Variants in CTNND2 observed in about 807,000 individuals in gnomAD.
CTNND2 encodes catenin delta 2.
A neutral mutation model predicts 144.4 loss-of-function variants in CTNND2; 22 were observed. The ratio of observed to expected loss-of-function variants is 0.15; its 90% CI spans 0.11 to 0.22. CTNND2 has a LOEUF of 0.22. CTNND2 is among the 10% of genes least tolerant of loss of function. The pLI is 1.00. For missense variants in CTNND2, 1,353 were observed against 1,618.8 expected, an observed-to-expected ratio of 0.84 and a Z score of 2.82; for synonymous variants, 751 against 695.6, an observed-to-expected ratio of 1.08 and a Z score of -1.25.
chr5:11,760,691 T>C (rs887757536), intron 1 of CTNND2, among the ~76,000 whole-genome samples: 3 of 152,184 alleles, frequency 2.0e-5, no homozygotes, highest in Non-Finnish European at 2.9e-5. Flanking sequence ...GCTCATTCCA[T>C]GTTATTACGA....
chr5:11,727,365 T>C (rs1290646865), intron 2 of CTNND2, among the ~76,000 whole-genome samples: 1 of 152,126 alleles, frequency 6.6e-6, no homozygotes. Flanking sequence ...TGATCCTTGC[T>C]CCCCCTTCCT....
chr5:11,296,241 A>G (rs958524826), intron 9 of CTNND2, among the ~76,000 whole-genome samples: 24 of 152,254 alleles, frequency 1.6e-4, no homozygotes, highest in African/African-American at 4.8e-4. Flanking sequence ...AATGCTCACC[A>G]TCACTGGCCA....
At chr5:10,991,487 A>AAAG (rs1468602796) in intron 19 of CTNND2, among the ~76,000 whole-genome samples, 3 of 152,236 alleles carry the variant, frequency 2.0e-5, no homozygotes, top group Non-Finnish European at 4.4e-5. Flanking sequence ...AATCAAAATA[A>AAAG]AAGTTTTAAA....
At chr5:11,196,559 C>G (rs952222152) in intron 11 of CTNND2, among the ~76,000 whole-genome samples, 1 of 152,174 alleles carries the variant, frequency 6.6e-6, no homozygotes, top group Non-Finnish European at 1.5e-5. Flanking sequence ...TTGTTTAATT[C>G]ATGCATGGAT....
At position 11,384,613 on chromosome 5, in the gene CTNND2, C is replaced by T. The variant is rs955201207; in HGVS notation, c.1177+52G>A. The T allele has an allele frequency of 1.3e-6, 2 of 1,520,544 alleles. No homozygotes were observed. The highest frequency in any genetic ancestry group is 1.8e-6 in the Non-Finnish European group (2 of 1,133,736). The allele number at this position is 1,520,544 out of a possible 1,614,324, so 94.2% of individuals were successfully genotyped here. A position where few individuals can be genotyped will look rare whatever the true frequency, so the allele number is the denominator to read the frequency against. On this transcript the variant is annotated intron_variant, in intron 7 of 21. Coordinates refer to ENST00000304623, the MANE Select transcript of CTNND2 (RefSeq NM_001332.4). This position sits in a 1 kb window ranked among gnomAD's most constrained non-coding sequence, Gnocchi z 5.2. ...TGCTCAAGCCGGGCTGCTGCTTCCGCGTCCCCGCCACGCGCCCAGGTGAGT... is the reference window on the plus strand; with the variant it reads ...TGCTCAAGCCGGGCTGCTGCTTCCGTGTCCCCGCCACGCGCCCAGGTGAGT...
chr5:11,630,920 C>A (rs150381048), intron 2 of CTNND2, among the ~76,000 whole-genome samples: 1,733 of 151,762 alleles, frequency 0.011, 27 homozygotes, highest in African/African-American at 0.041. Context: ...TGCCACTGCA[C>A]CCCAGCATGG....
chr5:11,030,412 C>T (rs1743313722), intron 16 of CTNND2, among the ~76,000 whole-genome samples: 1 of 152,054 alleles, frequency 6.6e-6, no homozygotes, highest in Admixed American at 6.6e-5. Context: ...AACCCTTAAG[C>T]TCTGCTCCTT....
chr5:11,697,144 T>C (rs1581736657), intron 2 of CTNND2, among the ~76,000 whole-genome samples: 2 of 152,212 alleles, frequency 1.3e-5, no homozygotes, highest in Non-Finnish European at 2.9e-5. Flanking sequence ...AGAATAAATA[T>C]GTAAATGTCT....
chr5:11,232,295 C>T (rs1741117330), intron 10 of CTNND2, among the ~76,000 whole-genome samples: 1 of 151,050 alleles, frequency 6.6e-6, no homozygotes, highest in Non-Finnish European at 1.5e-5. Flanking sequence ...AATGGTAGAT[C>T]CACTGACAGC....
intron 2 of CTNND2, among the ~76,000 whole-genome samples, chr5:11,729,190 CAA>C (rs34925830): frequency 0.012 from 1,708 of 140,440 alleles, 24 homozygotes; most frequent in African/African-American, 0.041. Flanking sequence ...TATGTGCCAC[CAA>C]AAAAAAAAAA....
chr5:10,978,736 G>A (rs1025993166), intron 21 of CTNND2, among the ~76,000 whole-genome samples: 1 of 152,236 alleles, frequency 6.6e-6, no homozygotes, highest in Non-Finnish European at 1.5e-5. Context: ...CTGAGGCCCA[G>A]TGGCCTTGGT....
chr5:11,486,424 CT>C (rs1768837892), intron 3 of CTNND2, among the ~76,000 whole-genome samples: 1 of 152,204 alleles, frequency 6.6e-6, no homozygotes, highest in South Asian at 2.1e-4. Flanking sequence ...ACCTTCAATA[CT>C]TGTTCAAGTT....
At chr5:11,052,357 A>G (rs1175971100) in intron 16 of CTNND2, among the ~76,000 whole-genome samples, 1 of 152,180 alleles carries the variant, frequency 6.6e-6, no homozygotes, top group East Asian at 1.9e-4. Flanking sequence ...CAACAAATCT[A>G]CATGCAGATA....
In CTNND2 at chr5:11,662,076, A is replaced by G. The variant is rs535728194; in HGVS notation, c.174+70060T>C. ...ATACATATTTCTGAAACATGGATACATAGTTCATATATACATATATACACA... is the reference window on the plus strand; with the variant it reads ...ATACATATTTCTGAAACATGGATACGTAGTTCATATATACATATATACACA... On this transcript the variant is annotated intron_variant, in intron 2 of 21. Transcript: ENST00000304623. Among the ~76,000 whole-genome samples, 9 of 150,416 alleles carry G rather than the reference A, an allele frequency of 6.0e-5. No homozygotes were observed. The East Asian group carries it at 1.4e-3, about 23-fold the overall frequency.
chr5:11,226,776 A>C (rs1358353792), intron 10 of CTNND2, among the ~76,000 whole-genome samples: 5 of 152,150 alleles, frequency 3.3e-5, no homozygotes, highest in Non-Finnish European at 5.9e-5. Flanking sequence ...TGGCCAAACA[A>C]TATCAGCCTG....
intron 12 of CTNND2, among the ~76,000 whole-genome samples, chr5:11,126,328 C>A (rs1363684689): frequency 2.0e-5 from 3 of 152,110 alleles, no homozygotes; most frequent in African/African-American, 7.2e-5. Flanking sequence ...GATCACAATT[C>A]ATAATTTTTT....
intron 3 of CTNND2, 79 bp downstream of exon 3, chr5:11,564,865 G>T: frequency 2.1e-6 from 2 of 933,430 alleles, no homozygotes; most frequent in Non-Finnish European, 3.4e-6. Context: ...CCACCACCGG[G>T]TTGGAAAGAA....
chr5:11,316,261 T>C (rs1751460100), intron 9 of CTNND2, among the ~76,000 whole-genome samples: 1 of 152,064 alleles, frequency 6.6e-6, no homozygotes, highest in Non-Finnish European at 1.5e-5. Flanking sequence ...AGTCTCCCTC[T>C]GTTCCCCAGG....
chr5:11,403,129 G>GC (rs1295857757), intron 5 of CTNND2, among the ~76,000 whole-genome samples: 2 of 152,098 alleles, frequency 1.3e-5, no homozygotes, highest in Non-Finnish European at 2.9e-5. Context: ...GTTGTTTGCT[G>GC]CACCTATCAA....
Sources: allele counts gnomAD v4.1 joint callset (sites outside exome capture counted in the v4.1 genomes callset), GRCh38; gene constraint gnomAD v4.1.1; non-coding constraint Gnocchi (gnomAD v3.1); transcripts MANE v1.5; gene names NCBI Gene and HGNC (gene_info 2026-07-23, HGNC 2026-07-21).